The following LARGE1 variants were observed in gnomAD, a reference collection of about 807,000 sequenced individuals.
LARGE1 encodes the protein xylosyl- and glucuronyltransferase LARGE1.
LARGE1 carries 43 observed loss-of-function variants against 87.6 expected under a neutral mutation model. The ratio of observed to expected loss-of-function variants is 0.49; its 90% confidence interval spans 0.38 to 0.63. LARGE1 has a LOEUF of 0.63. Among genes scored for constraint, LARGE1 ranks in the 30% least tolerant of loss-of-function variants. The pLI is 0.00. For missense variants in LARGE1, 802 were observed against 1,000.2 expected (o/e 0.80, Z 2.67); for synonymous variants, 434 against 394.6 (o/e 1.10, Z -1.18).
intron 3 of LARGE1, among the ~76,000 whole-genome samples, chr22:33,634,895 G>A (rs1259786179): frequency 2.0e-5 from 3 of 151,886 alleles, no homozygotes; most frequent in African/African-American, 7.2e-5. Context: ...TTGGGAGGCT[G>A]AGGCGGGTGG....
chr22:33,651,017 G>C (rs1401299216), intron 2 of LARGE1, among the ~76,000 whole-genome samples: 1 of 151,552 alleles, frequency 6.6e-6, no homozygotes, highest in East Asian at 1.9e-4. Flanking sequence ...GCGGATTGGG[G>C]AGAAAGACAA....
intron 1 of LARGE1, among the ~76,000 whole-genome samples, chr22:33,847,081 C>G (rs7410607): frequency 0.16 from 24,737 of 152,162 alleles, 2,006 homozygotes; most frequent in South Asian, 0.28. Flanking sequence ...TGGGGAATCA[C>G]GGAACCTACC....
intron 2 of LARGE1, among the ~76,000 whole-genome samples, chr22:33,692,703 C>T (rs2082130912): frequency 6.6e-6 from 1 of 152,208 alleles, no homozygotes; most frequent in East Asian, 1.9e-4. Context: ...CCAATTTTAT[C>T]AGTTCTGTAA....
chr22:33,764,895 G>GT (rs996600879), intron 1 of LARGE1, among the ~76,000 whole-genome samples: 6 of 152,040 alleles, frequency 3.9e-5, no homozygotes, highest in South Asian at 4.2e-4. Flanking sequence ...GCAACCATCC[G>GT]TTTTTTTTCC....
At chr22:33,828,331 A>G (rs905326139) in intron 1 of LARGE1, among the ~76,000 whole-genome samples, 2 of 152,236 alleles carry the variant, frequency 1.3e-5, no homozygotes, top group African/African-American at 4.8e-5. Context: ...GCATCCTGAG[A>G]GAGTCCTCTT....
chr22:33,432,181 A>G lies in LARGE1; in HGVS notation c.872T>C (p.Leu291Pro). Residue 291 changes from leucine (L) to proline (P), a missense_variant, in exon 7 of 15, where the codon CTT becomes CCT. This residue lies in a region of LARGE1 where 625 missense variants were observed against 841.9 expected (regional missense o/e 0.74). Transcript: ENST00000397394. ...LWKNHRPWPA[L>P]GRGYNTGVIL... The stretch of plus-strand genomic sequence containing the variant: ...TTTACCTGTGTTGTAGCCTCTTCCA[A>G]GGGCTGGCCATGGGCGGTGATTTTT... 6.2e-7 allele frequency: 1 copy of G among 1,614,016 alleles called. No homozygotes were observed.
At chr22:33,349,417 T>C (rs967550242) in intron 9 of LARGE1, among the ~76,000 whole-genome samples, 2 of 152,188 alleles carry the variant, frequency 1.3e-5, no homozygotes, top group African/African-American at 4.8e-5. Context: ...ATCAAGTCTG[T>C]GGAATATACA....
At chr22:33,101,463 G>C in the LARGE1 span, among the ~76,000 whole-genome samples, 2 of 152,230 alleles carry the variant, frequency 1.3e-5, no homozygotes, top group South Asian at 4.2e-4. Flanking sequence ...AAATAGGTTC[G>C]ATTGCAAGCC....
intron 11 of LARGE1, among the ~76,000 whole-genome samples, chr22:33,212,727 A>G (rs1223792616): frequency 1.3e-5 from 2 of 152,206 alleles, no homozygotes; most frequent in African/African-American, 4.8e-5. Flanking sequence ...ACTATTAAGA[A>G]TATTTGTGGG....
chr22:33,694,454 T>C (rs7285897), intron 2 of LARGE1, among the ~76,000 whole-genome samples: 9,376 of 152,288 alleles, frequency 0.062, 351 homozygotes, highest in Middle Eastern at 0.092. Context: ...GGCAGAGACA[T>C]ATCTCTACTG....
the LARGE1 span, among the ~76,000 whole-genome samples, chr22:33,117,526 G>A: frequency 6.6e-6 from 1 of 151,996 alleles, no homozygotes; most frequent in South Asian, 2.1e-4. Flanking sequence ...AGGAGATTGG[G>A]GAGGGTCAGG....
rs186025073 is a variant in LARGE1 at position 33,191,878 on chromosome 22, A to G, written c.1731-25046T>C. ...TTATGATGTGTTCACTAAGCACATT[A>G]ATCATAGATTTTCCCCACTAGTGTA... On this transcript the variant is annotated intron_variant, in intron 11 of 11. Transcript: ENST00000608642. 1.8e-4 allele frequency among the ~76,000 whole-genome samples: 27 copies of G among 152,332 alleles called. No individual in the cohort carries two copies. The East Asian group carries it at 5.0e-3, about 28-fold the overall frequency.
intron 7 of LARGE1, among the ~76,000 whole-genome samples, chr22:33,385,190 T>C (rs2065280806): frequency 1.4e-5 from 2 of 147,980 alleles, no homozygotes; most frequent in Admixed American, 1.3e-4. Context: ...GAATGGAGGG[T>C]TGTTTAGGGA....
chr22:33,870,585 G>C (rs962132748), intron 1 of LARGE1, among the ~76,000 whole-genome samples: 2 of 134,036 alleles, frequency 1.5e-5, no homozygotes, highest in African/African-American at 5.6e-5. Context: ...TGTTGTTGTT[G>C]TTTGAGACCG....
At chr22:33,331,988 C>A (rs1322202436) in intron 10 of LARGE1, among the ~76,000 whole-genome samples, 2 of 152,074 alleles carry the variant, frequency 1.3e-5, no homozygotes, top group Non-Finnish European at 2.9e-5. Context: ...GCACTAACCG[C>A]ACTACTTAAT....
intron 11 of LARGE1, among the ~76,000 whole-genome samples, chr22:33,266,750 A>G (rs1158398610): frequency 6.6e-6 from 1 of 151,738 alleles, no homozygotes; most frequent in Non-Finnish European, 1.5e-5. Context: ...GGAACATCAT[A>G]TGAGGCCAAC....
chr22:33,674,720 G>T (rs920520018), intron 2 of LARGE1, among the ~76,000 whole-genome samples: 4 of 152,134 alleles, frequency 2.6e-5, no homozygotes, highest in African/African-American at 9.7e-5. Flanking sequence ...AAAGGCCCAT[G>T]GTCCTCAACC....
intron 6 of LARGE1, among the ~76,000 whole-genome samples, chr22:33,515,549 C>T (rs898401911): frequency 6.6e-6 from 1 of 152,238 alleles, no homozygotes; most frequent in African/African-American, 2.4e-5. Flanking sequence ...ACAGCCAGGA[C>T]GATCTTTCCC....
chr22:33,271,414 G>A (rs1928237003), downstream of LARGE1, among the ~76,000 whole-genome samples: 1 of 152,174 alleles, frequency 6.6e-6, no homozygotes, highest in Non-Finnish European at 1.5e-5. Context: ...CCACTTTGCA[G>A]TTTTGCTCCA....
Sources: gnomAD v4.1 joint callset for allele counts (sites outside exome capture counted in the v4.1 genomes callset) on GRCh38, gnomAD v4.1.1 for gene constraint, gnomAD v4.1.1 regional missense constraint, MANE v1.5 for transcripts, NCBI Gene and HGNC (gene_info 2026-07-23, HGNC 2026-07-21) for gene names.